MOCOS: variants seen among roughly 807,000 people sequenced by gnomAD.
MOCOS encodes molybdenum cofactor sulfurase.
A neutral mutation model predicts 83.6 loss-of-function variants in MOCOS; 86 were observed. The ratio of observed to expected loss-of-function variants is 1.03; its 90% CI spans 0.86 to 1.23. The LOEUF is 1.23. Ranked by LOEUF, MOCOS falls within the 50% of genes most tolerant of loss-of-function variation. The probability of loss-of-function intolerance (pLI) is 0.00; values close to 1 mark genes in which losing one functional copy is unlikely to be tolerated. For synonymous variants in MOCOS, 445 were observed against 434.7 expected (o/e 1.02, Z -0.29); for missense variants, 1,120 against 1,126.9 (o/e 0.99, Z 0.09).
chr18:36,191,436 T>G (rs2091365809), intron 1 of MOCOS, among the ~76,000 whole-genome samples: 1 of 152,208 alleles, frequency 6.6e-6, no homozygotes, highest in South Asian at 2.1e-4. Context: ...GTTGTCCATA[T>G]TTATGTGTGC....
At chr18:36,213,132 G>A (rs554980125) in intron 6 of MOCOS, among the ~76,000 whole-genome samples, 9 of 152,290 alleles carry the variant, frequency 5.9e-5, no homozygotes, top group South Asian at 2.1e-4. Context: ...AACACTTCGC[G>A]GGGCCTGCTC....
chr18:36,213,310 T>C, intron 6 of MOCOS, 56 bp from the exon 7 acceptor site: 1 of 1,358,006 alleles, frequency 7.4e-7, no homozygotes, highest in East Asian at 2.3e-5. Context: ...TCTGAATCTC[T>C]CAGAGTAAAA....
intron 7 of MOCOS, among the ~76,000 whole-genome samples, chr18:36,214,358 A>G (rs1270407008): frequency 6.6e-6 from 1 of 151,402 alleles, no homozygotes; most frequent in African/African-American, 2.4e-5. Flanking sequence ...AAGGCAAGGG[A>G]GGGGTGTTAA....
In MOCOS at chr18:36,260,117, A is replaced by G; in HGVS notation, c.2351A>G (p.Lys784Arg). The G allele has an allele frequency of 6.2e-7, 1 of 1,614,208 alleles. No individual in the cohort carries two copies. Among genetic ancestry groups the G allele is most frequent in the Non-Finnish European group, 8.5e-7 (1 of 1,180,038 alleles). ...RFRANIIING[K>R]RAFEEEKWDE... ...CGTGCCAATATTATTATCAATGGAA[A>G]AAGGGCTTTTGAAGAAGAGAAATGG... is the stretch of plus-strand genomic sequence containing the variant. The change falls in exon 13 of 15, where the codon AAA becomes AGA. Residue 784 changes from lysine to arginine, a missense_variant. Transcript: ENST00000261326.
At chr18:36,208,168 A>C (rs949355779) in intron 6 of MOCOS, among the ~76,000 whole-genome samples, 1 of 152,132 alleles carries the variant, frequency 6.6e-6, no homozygotes, top group Non-Finnish European at 1.5e-5. Flanking sequence ...CTGTTTTTGT[A>C]CTAGAACCAT....
At chr18:36,255,545 T>G (rs949446363) in intron 11 of MOCOS, among the ~76,000 whole-genome samples, 15 of 152,210 alleles carry the variant, frequency 9.9e-5, no homozygotes, top group Non-Finnish European at 5.9e-5. Context: ...TAGGAGACCT[T>G]GGCCTTTCCT....
At chr18:36,257,835 A>C (rs2091648583) in intron 12 of MOCOS, among the ~76,000 whole-genome samples, 1 of 152,182 alleles carries the variant, frequency 6.6e-6, no homozygotes, top group Admixed American at 6.5e-5. Flanking sequence ...GTCTTGCACC[A>C]CGTGGTCAAG....
At position 36,214,461 on chromosome 18, in the gene MOCOS, G is replaced by A. The variant is rs1354418836; in HGVS notation, c.1335+979G>A. 3.3e-5 allele frequency among the ~76,000 whole-genome samples: 5 copies of A among 151,956 alleles called. No homozygotes were observed. In the South Asian group the frequency reaches 8.3e-4, roughly 25 times the overall value. On this transcript the variant is annotated intron_variant, in intron 7 of 14. Coordinates refer to ENST00000261326, the MANE Select transcript of MOCOS (RefSeq NM_017947.4). ...TTAGCTGACATCTGGGTTGGGTGCG[G>A]TGTGGAACTCTTCTAGGGCTCCAGG...
chr18:36,193,165 G>C (rs865807902), intron 1 of MOCOS, among the ~76,000 whole-genome samples: 51 of 149,476 alleles, frequency 3.4e-4, no homozygotes, highest in Middle Eastern at 3.4e-3. Context: ...CAAAAAATTA[G>C]CCGGGCGCGG....
chr18:36,195,524 C>G (rs911377240), intron 2 of MOCOS, among the ~76,000 whole-genome samples, 178 bp downstream of exon 2: 1 of 152,056 alleles, frequency 6.6e-6, no homozygotes, highest in African/African-American at 2.4e-5. Flanking sequence ...AACATGTGGC[C>G]GGGATGGAGG....
rs145901103 is a variant in MOCOS, at chr18:36,260,166, G to T, written c.2400G>T (p.Leu800Phe). The change falls in exon 13 of 15, where the codon TTG becomes TTT. Residue 800 changes from leucine to phenylalanine, a missense_variant. Leu to Phe is a conservative substitution (Grantham distance 22). Transcript: ENST00000261326. ...EKWDEISIGS[L>F]RFQVLGPCHR... ...GGGATGAGATTTCAATTGGCTCTTT[G>T]CGTTTCCAGGTAAGTTTGGGGAAGT... 8.1e-6 allele frequency: 13 copies of T among 1,614,010 alleles called. No individual in the cohort carries two copies. The Admixed American group carries it at 2.2e-4, about 27-fold the overall frequency.
At chr18:36,194,821 A>C (rs923757484) in intron 1 of MOCOS, among the ~76,000 whole-genome samples, 8 of 152,192 alleles carry the variant, frequency 5.3e-5, no homozygotes, top group Admixed American at 1.3e-4. Flanking sequence ...CATTCCTTGT[A>C]TTCTTGGAAG....
chr18:36,242,646 TG>T (rs1365983651), intron 9 of MOCOS, among the ~76,000 whole-genome samples: 2 of 152,188 alleles, frequency 1.3e-5, no homozygotes, highest in Non-Finnish European at 2.9e-5. Flanking sequence ...CAGTTCCACA[TG>T]GCTGGAGAGG....
chr18:36,264,317 C>A (rs2144157546), intron 13 of MOCOS, among the ~76,000 whole-genome samples: 1 of 152,254 alleles, frequency 6.6e-6, no homozygotes, highest in East Asian at 1.9e-4. Flanking sequence ...CGGGTGGCTG[C>A]TAGAGGCTGG....
Position 36,215,631 on chromosome 18 carries a change from T to A in MOCOS, c.1451T>A (p.Phe484Tyr), listed in dbSNP as rs2081788470. 1 of 1,614,024 alleles carries A rather than the reference T, an allele frequency of 6.2e-7. No homozygotes were observed. Among genetic ancestry groups the A allele is most frequent in the Non-Finnish European group, 8.5e-7 (1 of 1,180,030 alleles). ...GATGATGTCCAGGCCTTTCTTAGGTTCATCATAGACACTCGCCTGCACTCA... is the reference window on the plus strand; with the variant it reads ...GATGATGTCCAGGCCTTTCTTAGGTACATCATAGACACTCGCCTGCACTCA... Reference protein sequence around the residue: ...TLDDVQAFLRFIIDTRLHSSG... With the variant: ...TLDDVQAFLRYIIDTRLHSSG... The change falls in exon 8 of 15, where the codon TTC becomes TAC. Residue 484 changes from phenylalanine (F) to tyrosine (Y), a missense_variant. Physicochemically the swap from Phe to Tyr is conservative, Grantham distance 22. Transcript: ENST00000261326.
intron 9 of MOCOS, among the ~76,000 whole-genome samples, chr18:36,237,135 G>A (rs1375802031): frequency 9.9e-5 from 14 of 141,076 alleles, no homozygotes; most frequent in African/African-American, 3.7e-4. Context: ...TCCTTCTCCT[G>A]CCTAATTGCC....
chr18:36,237,625 A>AGG lies in MOCOS; in HGVS notation c.1961-11297_1961-11296insGG, dbSNP rs1358642873. On this transcript the variant is annotated intron_variant, in intron 9 of 14. Coordinates refer to ENST00000261326, the MANE Select transcript of MOCOS (RefSeq NM_017947.4). ...GGTTGTGTCTCTGCCTGGCTTTGGT[A>AGG]TCAGAATGATGCTGGCCTCATAAAA... Among the ~76,000 whole-genome samples the AGG allele has an allele frequency of 7.2e-4, 109 of 152,240 alleles. 1 individual carries two copies. The highest frequency in any genetic ancestry group is 1.8e-3 in the African/African-American group (76 of 41,524).
intron 6 of MOCOS, among the ~76,000 whole-genome samples, chr18:36,208,381 C>T (rs575669618): frequency 5.9e-5 from 9 of 152,202 alleles, no homozygotes; most frequent in African/African-American, 2.2e-4. Context: ...CTGTAAATTG[C>T]TTTGGGCAGT....
chr18:36,235,265 A>G (rs2091553713), intron 9 of MOCOS, among the ~76,000 whole-genome samples: 3 of 126,100 alleles, frequency 2.4e-5, no homozygotes, highest in South Asian at 3.1e-4. Flanking sequence ...TATATCTCCC[A>G]ATGCTATCCC....
Sources: gnomAD v4.1 joint callset for allele counts (sites outside exome capture counted in the v4.1 genomes callset) on GRCh38, gnomAD v4.1.1 for gene constraint, MANE v1.5 for transcripts, NCBI Gene and HGNC (gene_info 2026-07-23, HGNC 2026-07-21) for gene names.